The following ZNF519 variants were observed in gnomAD, a reference collection of about 807,000 sequenced individuals.
The protein encoded by ZNF519 is zinc finger protein 519.
In ZNF519, 7 loss-of-function variants were observed where a neutral mutation model predicts 7.4. The observed-to-expected ratio is 0.94, with a 90% CI of 0.54 to 1.77. ZNF519 has a LOEUF of 1.77. Ranked by LOEUF, ZNF519 falls within the 40% of genes most tolerant of loss-of-function variation. The pLI is 0.00. For synonymous variants in ZNF519, 179 were observed against 203.3 expected (o/e 0.88, Z 1.02); for missense variants, 586 against 623.1 (o/e 0.94, Z 0.63).
At chr18:14,093,629 G>GT (rs758580995) in intron 2 of ZNF519, among the ~76,000 whole-genome samples, 4 of 152,212 alleles carry the variant, frequency 2.6e-5, no homozygotes, top group Non-Finnish European at 5.9e-5. Flanking sequence ...CAGAACCAGA[G>GT]TATGTTCAGA....
intron 3 of ZNF519, chr18:14,082,064 T>C (rs2046072814): frequency 6.6e-6 from 1 of 152,076 alleles, no homozygotes; most frequent in Non-Finnish European, 1.5e-5. Context: ...TAAAATTTAG[T>C]CCATTTAAAT....
chr18:14,096,557 C>G (rs967436717), downstream of ZNF519, among the ~76,000 whole-genome samples: 1 of 152,084 alleles, frequency 6.6e-6, no homozygotes, highest in Non-Finnish European at 1.5e-5. Flanking sequence ...GCTCTGTCAC[C>G]TAGGCTGGAG....
intron 3 of ZNF519, among the ~76,000 whole-genome samples, chr18:14,079,788 A>C (rs375454288): frequency 6.6e-6 from 1 of 152,196 alleles, no homozygotes; most frequent in African/African-American, 2.4e-5. Context: ...TAAAACACAA[A>C]ACTCTAAAAT....
At chr18:14,117,623 AAG>A (rs1398624720) in intron 2 of ZNF519, among the ~76,000 whole-genome samples, 1 of 152,204 alleles carries the variant, frequency 6.6e-6, no homozygotes, top group African/African-American at 2.4e-5. Flanking sequence ...TTTTAAAAAA[AAG>A]AGGTTTAATT....
intron 1 of ZNF519, among the ~76,000 whole-genome samples, chr18:14,130,185 T>C (rs1598525379): frequency 6.8e-6 from 1 of 147,018 alleles, no homozygotes; most frequent in African/African-American, 2.5e-5. Flanking sequence ...CAATTTCATC[T>C]CCGATGGTCA....
chr18:14,124,627 T>C lies in ZNF519; in HGVS notation c.4-151A>G, dbSNP rs1156808880. Reference sequence around the variant, plus strand: ...TGTTCTCTAAAGCATTCTATAACTCTGAGGGAAAAGGATGCCAGCAAGCAA... The same window carrying C: ...TGTTCTCTAAAGCATTCTATAACTCCGAGGGAAAAGGATGCCAGCAAGCAA... On this transcript the variant is annotated intron_variant, in intron 1 of 2. Coordinates refer to ENST00000590202, the MANE Select transcript of ZNF519 (RefSeq NM_145287.4). 1.1e-5 allele frequency: 11 copies of C among 1,004,698 alleles called. No homozygotes were observed. In the East Asian group the frequency reaches 3.1e-4, roughly 28 times the overall value. 62.2% of individuals were successfully genotyped at this position (1,004,698 alleles called of 1,614,324 possible). A position where few individuals can be genotyped will look rare whatever the true frequency, so the allele number is the denominator to read the frequency against.
intron 2 of ZNF519, among the ~76,000 whole-genome samples, chr18:14,117,236 A>C (rs2046250430): frequency 6.6e-6 from 1 of 152,228 alleles, no homozygotes; most frequent in Non-Finnish European, 1.5e-5. Flanking sequence ...TTGAAAAATC[A>C]ACAACAAAGA....
At position 14,105,617 on chromosome 18, in the gene ZNF519, G is replaced by A; in HGVS notation, c.923C>T (p.Ala308Val). 6.2e-7 allele frequency: 1 copy of A among 1,613,782 alleles called. No homozygotes were observed. The highest frequency in any genetic ancestry group is 8.5e-7 in the Non-Finnish European group (1 of 1,179,916). ...TCCAGTATGGATTCTCTGATGTTGA[G>A]CAAGGTGTGAACTCTTGTTAAAGGC... ...DKAFNKSSHL[A>V]QHQRIHTGEK... Residue 308 changes from alanine (A) to valine (V), a missense_variant, in exon 3 of 3, where the codon GCT becomes GTT. By Grantham distance (64) the Ala-to-Val change is moderately conservative. Transcript: ENST00000590202.
chr18:14,115,024 C>T (rs1436178743), intron 2 of ZNF519, among the ~76,000 whole-genome samples: 1 of 152,168 alleles, frequency 6.6e-6, no homozygotes, highest in Middle Eastern at 3.2e-3. Context: ...GTCTTCATTT[C>T]TTCATAGATA....
chr18:14,091,139 G>A (rs2046112836), intron 2 of ZNF519: 1 of 152,104 alleles, frequency 6.6e-6, no homozygotes, highest in Non-Finnish European at 1.5e-5. Flanking sequence ...GGGATAAAGT[G>A]GGAAGGCATG....
chr18:14,093,818 G>T (rs1173764034), intron 2 of ZNF519, among the ~76,000 whole-genome samples: 1 of 152,220 alleles, frequency 6.6e-6, no homozygotes, highest in Non-Finnish European at 1.5e-5. Context: ...TGGCTGCAGT[G>T]ATTGGCTGAG....
At chr18:14,122,123 G>A (rs916112126) in intron 2 of ZNF519, 1 of 152,066 alleles carries the variant, frequency 6.6e-6, no homozygotes, top group African/African-American at 2.4e-5. Context: ...ATGTGACCCG[G>A]GGAAGCCAAA....
chr18:14,090,341 G>C (rs2046109386), intron 2 of ZNF519: 1 of 152,182 alleles, frequency 6.6e-6, no homozygotes, highest in Non-Finnish European at 1.5e-5. Context: ...CTTACAGAAG[G>C]GCAAAGACCA....
downstream of ZNF519, among the ~76,000 whole-genome samples, chr18:14,096,641 G>A (rs148383450): frequency 4.7e-4 from 72 of 152,234 alleles, no homozygotes; most frequent in African/African-American, 1.5e-3. Flanking sequence ...TCAGTCTCCC[G>A]AGTAGCTAGG....
chr18:14,113,502 CTT>C (rs2046231868), intron 2 of ZNF519, among the ~76,000 whole-genome samples: 1 of 152,182 alleles, frequency 6.6e-6, no homozygotes, highest in Admixed American at 6.6e-5. Flanking sequence ...GCCCTGACCT[CTT>C]GAGGCTGTGT....
rs1376644712 is a variant in ZNF519, at chr18:14,102,609, A to C, written c.*2308T>G. 1 of 152,192 alleles carries C rather than the reference A, an allele frequency of 6.6e-6. No homozygotes were observed. Among genetic ancestry groups the C allele is most frequent in the Non-Finnish European group, 1.5e-5 (1 of 68,026 alleles). The allele number at this position is 152,192 out of a possible 1,614,324, so 9.4% of individuals were successfully genotyped here. ...ATTTAGAGAATTACAATTTTAAACTATCAAAGGAAATGGTAAGGATACAAA... is the reference window on the plus strand; with the variant it reads ...ATTTAGAGAATTACAATTTTAAACTCTCAAAGGAAATGGTAAGGATACAAA... On this transcript the variant is annotated 3_prime_UTR_variant, in exon 3 of 3. Coordinates refer to ENST00000590202, the MANE Select transcript of ZNF519 (RefSeq NM_145287.4).
chr18:14,108,391 G>C (rs1192644213), intron 2 of ZNF519, among the ~76,000 whole-genome samples: 1 of 152,040 alleles, frequency 6.6e-6, no homozygotes, highest in African/African-American at 2.4e-5. Flanking sequence ...CCTTTTCCAA[G>C]TCCACCCATG....
At chr18:14,099,297 C>A (rs1412630538), downstream of ZNF519, among the ~76,000 whole-genome samples, 1 of 152,118 alleles carries the variant, frequency 6.6e-6, no homozygotes, top group Non-Finnish European at 1.5e-5. Flanking sequence ...TGGTGATGGG[C>A]ACATAAAAGT....
chr18:14,080,075 C>T (rs2046064282), intron 3 of ZNF519: 1 of 151,760 alleles, frequency 6.6e-6, no homozygotes, highest in African/African-American at 2.4e-5. Context: ...AAGACTTTAG[C>T]CAACACCTCA....
Sources: allele counts gnomAD v4.1 joint callset (sites outside exome capture counted in the v4.1 genomes callset), GRCh38; gene constraint gnomAD v4.1.1; transcripts MANE v1.5; gene names NCBI Gene and HGNC (gene_info 2026-07-23, HGNC 2026-07-21).